Variants in PRUNE2 observed in about 807,000 individuals in gnomAD.
PRUNE2 encodes protein prune homolog 2.
A neutral mutation model predicts 252.0 loss-of-function variants in PRUNE2; 164 were observed. The ratio of observed to expected loss-of-function variants is 0.65; its 90% confidence interval spans 0.57 to 0.74. The LOEUF is 0.74. Ranked by LOEUF, PRUNE2 falls within the 30% of genes least tolerant of loss-of-function variation. PRUNE2 has a pLI of 0.00. For missense variants in PRUNE2, 3,495 were observed against 3,711.0 expected (o/e 0.94, Z 1.51); for synonymous variants, 1,292 against 1,350.2 (o/e 0.96, Z 0.94).
In PRUNE2 at chr9:76,850,656, G is replaced by A; in HGVS notation, c.151C>T (p.Pro51Ser). The change falls in exon 3 of 19, where the codon CCA becomes TCA. Residue 51 changes from proline (P) to serine (S), a missense_variant. Physicochemically the swap from Pro to Ser is moderately conservative, Grantham distance 74. Transcript: ENST00000376718. ...AGCACTGGTAAACACAGAACCCCTG[G>A]TGGACTGACCTACCAAGAAAAAAGT... ...YAYFLDKVSP[P>S]GVLCLPVLNI... is the part of the protein sequence containing the mutation. The A allele has an allele frequency of 2.5e-6, 4 of 1,612,852 alleles. No individual in the cohort carries two copies. Among genetic ancestry groups the A allele is most frequent in the Non-Finnish European group, 3.4e-6 (4 of 1,179,066 alleles).
chr9:76,683,034 T>C (rs2043642663), intron 9 of PRUNE2, among the ~76,000 whole-genome samples: 2 of 152,252 alleles, frequency 1.3e-5, no homozygotes, highest in South Asian at 2.1e-4. Context: ...CCCCAGACTC[T>C]TTCTTCTTTT....
At chr9:76,775,631 G>A (rs1159841362) in intron 6 of PRUNE2, among the ~76,000 whole-genome samples, 3 of 152,106 alleles carry the variant, frequency 2.0e-5, no homozygotes, top group Non-Finnish European at 2.9e-5. Flanking sequence ...CATTTTCTCA[G>A]TCTGTCCATA....
intron 5 of PRUNE2, 94 bp downstream of exon 5, chr9:76,826,486 G>T (rs1272635340): frequency 2.1e-6 from 2 of 958,150 alleles, no homozygotes; most frequent in Non-Finnish European, 3.1e-6. Context: ...AACAAACAAA[G>T]AAACAAATAT....
chr9:76,803,547 C>A (rs1397722406), intron 6 of PRUNE2, among the ~76,000 whole-genome samples: 1 of 152,108 alleles, frequency 6.6e-6, no homozygotes, highest in Non-Finnish European at 1.5e-5. Context: ...CAATAGGAGT[C>A]TCAATTTCAT....
chr9:76,819,915 C>T (rs957261745), intron 6 of PRUNE2, among the ~76,000 whole-genome samples: 3 of 152,158 alleles, frequency 2.0e-5, no homozygotes, highest in African/African-American at 7.2e-5. Flanking sequence ...ACCAGTTCTG[C>T]TGGCAAGGGA....
intron 13 of PRUNE2, 74 bp downstream of exon 13, chr9:76,638,112 A>C: frequency 1.1e-6 from 1 of 893,184 alleles, no homozygotes; most frequent in Admixed American, 1.9e-5. Context: ...TATTTTCTTT[A>C]ATTAAAGGTG....
At chr9:76,751,226 T>C (rs2050581821) in intron 6 of PRUNE2, among the ~76,000 whole-genome samples, 1 of 150,532 alleles carries the variant, frequency 6.6e-6, no homozygotes, top group Admixed American at 6.7e-5. Flanking sequence ...CACTGACAGA[T>C]GGCAGAAGTT....
intron 6 of PRUNE2, among the ~76,000 whole-genome samples, chr9:76,745,515 C>T (rs2050023439): frequency 6.6e-6 from 1 of 150,802 alleles, no homozygotes; most frequent in Admixed American, 6.6e-5. Flanking sequence ...CTCCTGTGGC[C>T]CCACTCATAA....
chr9:76,663,401 C>T (rs1238243632), intron 9 of PRUNE2, among the ~76,000 whole-genome samples: 1 of 152,216 alleles, frequency 6.6e-6, no homozygotes, highest in Non-Finnish European at 1.5e-5. Flanking sequence ...GCCGAGCACT[C>T]GCCCAGACAC....
intron 1 of PRUNE2, among the ~76,000 whole-genome samples, chr9:76,882,593 C>A (rs909108775): frequency 5.3e-5 from 8 of 152,046 alleles, no homozygotes; most frequent in African/African-American, 1.9e-4. Flanking sequence ...GGGAGCAAAG[C>A]GTCTCACATG....
chr9:76,872,799 G>A (rs866042088), intron 1 of PRUNE2, among the ~76,000 whole-genome samples: 1 of 152,170 alleles, frequency 6.6e-6, no homozygotes, highest in South Asian at 2.1e-4. Context: ...GCAAAACATT[G>A]ATAATTATTG....
At chr9:76,731,618 G>A (rs773002491) in intron 6 of PRUNE2, among the ~76,000 whole-genome samples, 18 of 151,874 alleles carry the variant, frequency 1.2e-4, no homozygotes, top group Non-Finnish European at 2.2e-4. Context: ...CACCATGCCC[G>A]GCAGGAACAA....
At chr9:76,740,088 C>A (rs569620480) in intron 6 of PRUNE2, 1 of 151,080 alleles carries the variant, frequency 6.6e-6, no homozygotes, top group African/African-American at 2.4e-5. Context: ...AGTTAACTAT[C>A]AAATATCCAG....
At chr9:76,889,733 C>T (rs1010932872) in intron 1 of PRUNE2, among the ~76,000 whole-genome samples, 2 of 152,182 alleles carry the variant, frequency 1.3e-5, no homozygotes, top group East Asian at 3.9e-4. Context: ...CACACCTCCT[C>T]GGGGGGAAGC....
chr9:76,847,172 A>T (rs2059712397), intron 3 of PRUNE2, among the ~76,000 whole-genome samples: 1 of 152,058 alleles, frequency 6.6e-6, no homozygotes, highest in Non-Finnish European at 1.5e-5. Context: ...TAAAAATACA[A>T]AAAATTAGCC....
chr9:76,660,220 G>A (rs1015427515), intron 9 of PRUNE2, among the ~76,000 whole-genome samples: 4 of 152,130 alleles, frequency 2.6e-5, no homozygotes, highest in Non-Finnish European at 5.9e-5. Context: ...TCCTGGTGAT[G>A]GAAGAAAGGC....
At position 76,850,566 on chromosome 9, in the gene PRUNE2, T is replaced by C; in HGVS notation, c.241A>G (p.Ile81Val). 1 of 1,613,950 alleles carries C rather than the reference T, an allele frequency of 6.2e-7. No homozygotes were observed. The highest frequency in any genetic ancestry group is 8.5e-7 in the Non-Finnish European group (1 of 1,179,816). ...ETRFILEELN[I>V]SESFHIFRDE... ...CGGAATATGTGGAATGATTCGGAAATATTTAGCTCTTCTAAAATAAACCTC... is the reference window on the plus strand; with the variant it reads ...CGGAATATGTGGAATGATTCGGAAACATTTAGCTCTTCTAAAATAAACCTC... The change falls in exon 3 of 19, where the codon ATT becomes GTT. Residue 81 changes from isoleucine to valine, a missense_variant. Transcript: ENST00000376718.
At chr9:76,728,897 G>A (rs1392077795) in intron 6 of PRUNE2, among the ~76,000 whole-genome samples, 1 of 152,120 alleles carries the variant, frequency 6.6e-6, no homozygotes, top group South Asian at 2.1e-4. Flanking sequence ...CACACAATCA[G>A]CCCTCAATAC....
chr9:76,777,977 C>G (rs2053980396), intron 6 of PRUNE2, among the ~76,000 whole-genome samples: 1 of 152,178 alleles, frequency 6.6e-6, no homozygotes, highest in South Asian at 2.1e-4. Flanking sequence ...ATGTCTATAG[C>G]AGTGGGAGGT....
Sources: gnomAD v4.1 joint callset for allele counts (sites outside exome capture counted in the v4.1 genomes callset) on GRCh38, gnomAD v4.1.1 for gene constraint, MANE v1.5 for transcripts, NCBI Gene and HGNC (gene_info 2026-07-23, HGNC 2026-07-21) for gene names.